The following FMNL2 variants were observed in gnomAD, a reference collection of about 807,000 sequenced individuals.
FMNL2 encodes the protein formin-like protein 2.
In FMNL2, 51 loss-of-function variants were observed where a neutral mutation model predicts 130.2. The observed-to-expected ratio is 0.39, with a 90% CI of 0.31 to 0.49. The LOEUF (loss-of-function observed/expected upper bound fraction) is 0.49, where lower values mean the gene tolerates loss of function less well. FMNL2 is among the 20% of genes least tolerant of loss of function. The probability of loss-of-function intolerance (pLI) is 0.85; values close to 1 mark genes in which losing one functional copy is unlikely to be tolerated. For missense variants in FMNL2, 977 were observed against 1,316.2 expected (o/e 0.74, Z 3.99); for synonymous variants, 465 against 467.1 (o/e 1.00, Z 0.06).
At chr2:152,634,596 T>A (rs753852482) in intron 21 of FMNL2, among the ~76,000 whole-genome samples, 6 of 152,246 alleles carry the variant, frequency 3.9e-5, no homozygotes, top group Non-Finnish European at 8.8e-5. Flanking sequence ...TCCTGCTGGT[T>A]GTGGAAGCAT....
chr2:152,648,004 A>G lies in FMNL2; in HGVS notation c.*99A>G, dbSNP rs1031326059. 2.5e-5 allele frequency: 25 copies of G among 1,012,724 alleles called. No homozygotes were observed. In the African/African-American group the frequency reaches 3.7e-4, roughly 15 times the overall value. The allele number at this position is 1,012,724 out of a possible 1,614,324, so 62.7% of individuals were successfully genotyped here. ...TTAACTGCAGCCTTGAACACACACA[A>G]AAATATTCTTAAGGGCTCAGATTTA... On this transcript the variant is annotated 3_prime_UTR_variant, in exon 26 of 26. Transcript: ENST00000288670.
intron 25 of FMNL2, chr2:152,645,520 C>G: frequency 7.8e-7 from 1 of 1,289,546 alleles, no homozygotes; most frequent in Non-Finnish European, 1.0e-6. Flanking sequence ...GGAGGATACA[C>G]AGAGCTGGCA....
intron 5 of FMNL2, 117 bp from the exon 6 acceptor site, chr2:152,560,766 C>CA: frequency 2.2e-6 from 2 of 926,270 alleles, no homozygotes; most frequent in Non-Finnish European, 3.0e-6. Context: ...TCTTTGTTTA[C>CA]AAAGACTTTC....
At chr2:152,621,002 C>A in intron 15 of FMNL2, 2 of 985,394 alleles carry the variant, frequency 2.0e-6, no homozygotes, top group Non-Finnish European at 2.4e-6. Context: ...GGAGCAGAGT[C>A]ATCGTGGAAC....
intron 1 of FMNL2, among the ~76,000 whole-genome samples, chr2:152,463,195 A>G (rs1433879657): frequency 6.6e-6 from 1 of 152,246 alleles, no homozygotes; most frequent in African/African-American, 2.4e-5. Flanking sequence ...GGAGACCAAC[A>G]TTTATACTTC....
intron 3 of FMNL2, among the ~76,000 whole-genome samples, chr2:152,546,472 A>G (rs1694643125): frequency 6.6e-6 from 1 of 152,106 alleles, no homozygotes; most frequent in Non-Finnish European, 1.5e-5. Flanking sequence ...GACAGCACCA[A>G]GCAGTTCAGG....
Position 152,640,068 on chromosome 2 carries a change from C to T in FMNL2, c.3045+12C>T, listed in dbSNP as rs374315974. The T allele has an allele frequency of 2.4e-5, 37 of 1,542,012 alleles. No individual in the cohort carries two copies. Among genetic ancestry groups the T allele is most frequent in the Admixed American group, 1.9e-4 (9 of 48,378 alleles). On this transcript the variant is annotated intron_variant, in intron 24 of 25. Transcript: ENST00000288670. ...AGCAGGATCCAAAGGTAAGAAGTGCCGCACTCATGAGACAGGTCCGTGAGG... is the reference window on the plus strand; with the variant it reads ...AGCAGGATCCAAAGGTAAGAAGTGCTGCACTCATGAGACAGGTCCGTGAGG...
intron 1 of FMNL2, among the ~76,000 whole-genome samples, chr2:152,383,750 C>T (rs1684629615): frequency 6.6e-6 from 1 of 152,136 alleles, no homozygotes; most frequent in African/African-American, 2.4e-5. Flanking sequence ...CCCTAGCCAT[C>T]CCCAAACTTA....
intron 1 of FMNL2, among the ~76,000 whole-genome samples, chr2:152,504,597 T>TTG (rs1197525855): frequency 2.6e-5 from 4 of 152,004 alleles, no homozygotes; most frequent in Admixed American, 1.3e-4. Context: ...CCGCATCTCA[T>TTG]TGTGTGTGTG....
chr2:152,556,711 C>T (rs1695227200), intron 4 of FMNL2, among the ~76,000 whole-genome samples: 1 of 152,170 alleles, frequency 6.6e-6, no homozygotes. Flanking sequence ...GTAGTTGACA[C>T]AAGGGCAGGC....
intron 1 of FMNL2, among the ~76,000 whole-genome samples, chr2:152,423,561 C>G (rs1256094161): frequency 6.6e-6 from 1 of 152,148 alleles, no homozygotes; most frequent in Non-Finnish European, 1.5e-5. Context: ...AGCCCTGGGT[C>G]TCAGATGCCT....
At position 152,617,094 on chromosome 2, in the gene FMNL2, T is replaced by C. The variant is rs779255967; in HGVS notation, c.1216T>C (p.Ser406Pro). The change falls in exon 13 of 26, where the codon TCT (serine) becomes CCT (proline). Residue 406 changes from serine (S) to proline (P), a missense_variant. Around this residue, in one of 4 missense-constraint regions of FMNL2, gnomAD observed 689 missense variants for 995.9 expected, o/e 0.69. Coordinates refer to ENST00000288670, the MANE Select transcript of FMNL2 (RefSeq NM_052905.4). ...CTTTCTTTTCAAAATTTTACAGTTATCTGAAAAACTGCAAGACACAGAGAA... is the reference window on the plus strand; with the variant it reads ...CTTTCTTTTCAAAATTTTACAGTTACCTGAAAAACTGCAAGACACAGAGAA... ...EELEENISHL[S>P]EKLQDTENEA... 1.2e-6 allele frequency: 2 copies of C among 1,613,828 alleles called. No individual in the cohort carries two copies. Among genetic ancestry groups the C allele is most frequent in the Non-Finnish European group, 1.7e-6 (2 of 1,179,828 alleles).
chr2:152,441,009 T>C (rs1251904570), intron 1 of FMNL2, among the ~76,000 whole-genome samples: 1 of 152,236 alleles, frequency 6.6e-6, no homozygotes, highest in Non-Finnish European at 1.5e-5. Flanking sequence ...CAAGATCCTC[T>C]TCATGACTTT....
chr2:152,386,434 G>A (rs910450181), intron 1 of FMNL2, among the ~76,000 whole-genome samples: 1 of 152,194 alleles, frequency 6.6e-6, no homozygotes, highest in African/African-American at 2.4e-5. Flanking sequence ...TACCATAGCA[G>A]TTAATAAGTT....
intron 1 of FMNL2, among the ~76,000 whole-genome samples, chr2:152,438,147 T>C (rs1034623066): frequency 1.3e-5 from 2 of 152,314 alleles, no homozygotes; most frequent in East Asian, 1.9e-4. Context: ...GGATAAAAAG[T>C]GAAGAATATG....
At chr2:152,618,562 G>T (rs1484652267) in intron 13 of FMNL2, among the ~76,000 whole-genome samples, 1 of 152,140 alleles carries the variant, frequency 6.6e-6, no homozygotes, top group Non-Finnish European at 1.5e-5. Flanking sequence ...TCAGCATTCC[G>T]GGTCATTTCT....
At chr2:152,412,446 TTATATATATATATATATATATATA>T (rs56681937) in intron 1 of FMNL2, among the ~76,000 whole-genome samples, 2,011 of 103,186 alleles carry the variant, frequency 0.019, 57 homozygotes, top group East Asian at 0.042. Flanking sequence ...TCTGTATATT[TTATATATATATATATATATATATA>T]TATATATATA....
chr2:152,448,068 A>T (rs1044160138), intron 1 of FMNL2, among the ~76,000 whole-genome samples: 1 of 152,118 alleles, frequency 6.6e-6, no homozygotes, highest in East Asian at 1.9e-4. Context: ...GGTTGAACTC[A>T]TGGTCATAGA....
rs1322757401 is a variant in FMNL2 at position 152,637,672 on chromosome 2, A to G, written c.2944A>G (p.Lys982Glu). ...PVFVRFVKAY[K>E]QAEEENELRK... ...CTTTGTCCGGTTTGTGAAAGCATAT[A>G]AGGTATATGTTAAGGCCCTCCTTGC... The change falls in exon 23 of 26, where the codon AAG becomes GAG. Residue 982 changes from lysine to glutamate, a missense_variant and splice_region_variant. Transcript: ENST00000288670. The G allele has an allele frequency of 8.7e-6, 14 of 1,613,626 alleles. No homozygotes were observed. Among genetic ancestry groups the G allele is most frequent in the Non-Finnish European group, 1.2e-5 (14 of 1,179,710 alleles).
Sources: allele counts gnomAD v4.1 joint callset (sites outside exome capture counted in the v4.1 genomes callset), GRCh38; gene constraint gnomAD v4.1.1; regional missense constraint gnomAD v4.1.1; transcripts MANE v1.5; gene names NCBI Gene and HGNC (gene_info 2026-07-23, HGNC 2026-07-21).